Variants in SLC22A25 observed in about 807,000 individuals in gnomAD.
SLC22A25 encodes MGI:2442751, MGI:2385316, MGI:3042283, MGI:3645714, MGI:3605624, MGI:2442750.
A neutral mutation model predicts 45.9 loss-of-function variants in SLC22A25; 44 were observed. That is an observed-to-expected ratio of 0.96 (90% CI 0.75 to 1.23). SLC22A25 has a LOEUF of 1.23. SLC22A25 is among the 50% of genes most tolerant of loss of function. The probability of loss-of-function intolerance (pLI) is 0.00; values close to 1 mark genes in which losing one functional copy is unlikely to be tolerated. For missense variants in SLC22A25, 800 were observed against 666.4 expected (o/e 1.20, Z -2.21); for synonymous variants, 283 against 238.6 (o/e 1.19, Z -1.72).
intron 9 of SLC22A25, among the ~76,000 whole-genome samples, chr11:63,172,353 C>G (rs2087918527): frequency 6.6e-6 from 1 of 152,098 alleles, no homozygotes; most frequent in East Asian, 1.9e-4. Context: ...TCAGAGTGAA[C>G]AGGCAACCTA....
In SLC22A25 at chr11:63,163,935, A is replaced by T; in HGVS notation, c.1533T>A (p.Val511=). The change falls in exon 12 of 12, where the codon GTT becomes GTA. Residue 511 remains valine, a synonymous_variant. Coordinates refer to ENST00000306494, the MANE Select transcript of SLC22A25 (RefSeq NM_199352.6). ...YGVFAILSGL[V]VLLLPETRNQ... ...TCCTGGTTTCAGGAAGGAGGAGGAC[A>T]ACAAGGCCAGAGAGGATGGCAAAGA... 6.2e-7 allele frequency: 1 copy of T among 1,613,964 alleles called. No individual in the cohort carries two copies.
chr11:63,206,814 C>T (rs1032926801), intron 7 of SLC22A25, among the ~76,000 whole-genome samples: 19 of 152,292 alleles, frequency 1.2e-4, no homozygotes, highest in Middle Eastern at 3.4e-3. Context: ...AAAGAGCCTA[C>T]GTAGCCAAGG....
chr11:63,237,850 A>G (rs2090189552), intron 3 of SLC22A25, 31 bp downstream of exon 3: 1 of 152,216 alleles, frequency 6.6e-6, no homozygotes, highest in Non-Finnish European at 1.5e-5. Context: ...CTCAATGAAT[A>G]AATATTTAAT....
intron 7 of SLC22A25, among the ~76,000 whole-genome samples, chr11:63,200,754 A>G (rs2089213499): frequency 6.6e-6 from 1 of 152,152 alleles, no homozygotes; most frequent in Non-Finnish European, 1.5e-5. Flanking sequence ...ATATCAAGAA[A>G]ACCCCATAGT....
intron 7 of SLC22A25, among the ~76,000 whole-genome samples, chr11:63,185,770 A>G (rs2088515367): frequency 7.4e-6 from 1 of 134,992 alleles, no homozygotes; most frequent in African/African-American, 2.8e-5. Flanking sequence ...TTCAATTCCC[A>G]CCTATGAGTG....
At chr11:63,222,821 G>T (rs202050777) in intron 5 of SLC22A25, among the ~76,000 whole-genome samples, 1 of 150,448 alleles carries the variant, frequency 6.6e-6, no homozygotes, top group Admixed American at 6.6e-5. Context: ...TTTTTTGAGA[G>T]TTTTTTTTTA....
At chr11:63,181,513 T>G (rs7929092) in intron 8 of SLC22A25, among the ~76,000 whole-genome samples, 34,368 of 151,356 alleles carry the variant, frequency 0.23, 4,614 homozygotes, top group East Asian at 0.41. Context: ...GTCCTTGCGA[T>G]AGTTTGATGA....
chr11:63,173,046 AG>A (rs1165477765), intron 9 of SLC22A25, among the ~76,000 whole-genome samples: 2 of 152,112 alleles, frequency 1.3e-5, no homozygotes, highest in Non-Finnish European at 1.5e-5. Context: ...CCATAAAAAA[AG>A]ATGAGTTCCT....
intron 1 of SLC22A25, among the ~76,000 whole-genome samples, chr11:63,240,551 T>G (rs1284208317): frequency 2.6e-5 from 4 of 152,212 alleles, no homozygotes; most frequent in Non-Finnish European, 5.9e-5. Context: ...TTAAAAAACT[T>G]TTGACTCTTT....
chr11:63,215,371 G>A (rs963248217), intron 7 of SLC22A25, among the ~76,000 whole-genome samples: 1 of 152,124 alleles, frequency 6.6e-6, no homozygotes, highest in African/African-American at 2.4e-5. Flanking sequence ...TCATAAGTGG[G>A]AGTTGAACAA....
intron 10 of SLC22A25, 90 bp downstream of exon 10, chr11:63,165,954 T>C (rs2087664526): frequency 6.9e-6 from 10 of 1,449,866 alleles, no homozygotes; most frequent in Non-Finnish European, 9.3e-6. Context: ...ATTCTCCCTT[T>C]CCTTCTGGCT....
At chr11:63,237,382 G>A (rs565538593) in intron 3 of SLC22A25, among the ~76,000 whole-genome samples, 1 of 152,158 alleles carries the variant, frequency 6.6e-6, no homozygotes, top group Non-Finnish European at 1.5e-5. Context: ...GCGGAGGTGG[G>A]TTATTGCAGG....
At chr11:63,221,109 T>C (rs1277882400) in intron 5 of SLC22A25, among the ~76,000 whole-genome samples, 2 of 152,174 alleles carry the variant, frequency 1.3e-5, no homozygotes, top group Admixed American at 1.3e-4. Context: ...CCTTTCCTTT[T>C]GCTATACTGA....
At chr11:63,216,353 C>A (rs925135052) in intron 7 of SLC22A25, among the ~76,000 whole-genome samples, 1 of 152,154 alleles carries the variant, frequency 6.6e-6, no homozygotes, top group African/African-American at 2.4e-5. Flanking sequence ...ACCTTTCAAC[C>A]CAGTAGTCCC....
intron 1 of SLC22A25, among the ~76,000 whole-genome samples, chr11:63,240,662 T>C (rs1469371854): frequency 6.6e-6 from 1 of 152,234 alleles, no homozygotes; most frequent in Non-Finnish European, 1.5e-5. Flanking sequence ...TATTTTTTGC[T>C]TTTTAAATTT....
intron 7 of SLC22A25, among the ~76,000 whole-genome samples, chr11:63,205,348 C>CA (rs1489203543): frequency 2.0e-5 from 3 of 151,812 alleles, no homozygotes; most frequent in South Asian, 2.1e-4. Flanking sequence ...GAAAACCCTT[C>CA]AAAAAATCAA....
intron 7 of SLC22A25, among the ~76,000 whole-genome samples, chr11:63,216,725 C>A (rs2089720697): frequency 6.6e-6 from 1 of 151,974 alleles, no homozygotes; most frequent in Admixed American, 6.6e-5. Flanking sequence ...AGGCTTAATA[C>A]CTAGGTGATA....
At chr11:63,179,577 G>A (rs1007006032) in intron 9 of SLC22A25, among the ~76,000 whole-genome samples, 17 of 152,086 alleles carry the variant, frequency 1.1e-4, no homozygotes, top group Non-Finnish European at 1.8e-4. Flanking sequence ...GCCATACCAT[G>A]AGTCCTCTGA....
intron 5 of SLC22A25, among the ~76,000 whole-genome samples, chr11:63,220,934 T>C (rs191279187): frequency 1.9e-4 from 29 of 152,334 alleles, no homozygotes; most frequent in African/African-American, 7.0e-4. Context: ...GTTTCATTCA[T>C]GTTGTTGCAA....
Sources: allele counts gnomAD v4.1 joint callset (sites outside exome capture counted in the v4.1 genomes callset), GRCh38; gene constraint gnomAD v4.1.1; transcripts MANE v1.5; gene names NCBI Gene and HGNC (gene_info 2026-07-23, HGNC 2026-07-21).